Variants in SFI1 observed in about 807,000 individuals in gnomAD.
The protein encoded by SFI1 is SFI1 centrin binding protein, also known as protein SFI1 homolog.
In SFI1, 195 loss-of-function variants were observed where a neutral mutation model predicts 207.5. The observed-to-expected ratio is 0.94, with a 90% CI of 0.84 to 1.06. The LOEUF is 1.06. Among genes scored for constraint, SFI1 ranks in the 50% least tolerant of loss-of-function variants. The pLI is 0.00. For synonymous variants in SFI1, 630 were observed against 598.9 expected (o/e 1.05, Z -0.76); for missense variants, 1,634 against 1,588.0 (o/e 1.03, Z -0.49).
rs2059651343 is a variant in SFI1, at chr22:31,542,491, G to T, written c.339-4370G>T. ...AAAAATACAAAAATTAGCTGGGCAT[G>T]GTGGTGTATGTCTGTAATCCCAGCT... On this transcript the variant is annotated intron_variant, in intron 4 of 32. Transcript: ENST00000400288. 2.0e-5 allele frequency among the ~76,000 whole-genome samples: 3 copies of T among 151,992 alleles called. No homozygotes were observed. In the East Asian group the frequency reaches 5.9e-4, roughly 30 times the overall value.
At position 31,546,930 on chromosome 22, in the gene SFI1, G is replaced by A; in HGVS notation, c.408G>A (p.Gln136=). 6.2e-7 allele frequency: 1 copy of A among 1,612,286 alleles called. No individual in the cohort carries two copies. Among genetic ancestry groups the A allele is most frequent in the Non-Finnish European group, 8.5e-7 (1 of 1,179,248 alleles). ...EEWKEEWWVF[Q]HEWKLCVRAD... is the part of the protein sequence containing the mutation. Reference sequence around the variant, plus strand: ...GGAAAGAGGAGTGGTGGGTTTTCCAGCACGAGTGGAAACTCTGTGTTCGAG... The same window carrying A: ...GGAAAGAGGAGTGGTGGGTTTTCCAACACGAGTGGAAACTCTGTGTTCGAG... The change falls in exon 5 of 33, where the codon CAG becomes CAA. Residue 136 remains glutamine, a synonymous_variant. Transcript: ENST00000400288.
chr22:31,572,940 T>A (rs2063103713), intron 8 of SFI1, 118 bp from the exon 9 acceptor site: 3 of 1,041,504 alleles, frequency 2.9e-6, no homozygotes, highest in Admixed American at 4.4e-5. Context: ...GATTGCCACT[T>A]CCTTGTTTCT....
chr22:31,541,470 T>C (rs895509883), intron 4 of SFI1, among the ~76,000 whole-genome samples: 1 of 152,108 alleles, frequency 6.6e-6, no homozygotes, highest in African/African-American at 2.4e-5. Flanking sequence ...TTTTTTAGAA[T>C]TGTAGGCCAG....
At chr22:31,598,135 A>G (rs1370318389) in intron 15 of SFI1, among the ~76,000 whole-genome samples, 2 of 148,770 alleles carry the variant, frequency 1.3e-5, no homozygotes, top group African/African-American at 4.9e-5. Flanking sequence ...CCACCACCAC[A>G]CCCGGCTAAT....
At chr22:31,506,840 C>T (rs1232872763) in intron 1 of SFI1, among the ~76,000 whole-genome samples, 1 of 152,116 alleles carries the variant, frequency 6.6e-6, no homozygotes, top group African/African-American at 2.4e-5. Flanking sequence ...CTACAAACCA[C>T]TGCTCAAAGA....
At chr22:31,598,444 G>T (rs1334191065) in intron 15 of SFI1, among the ~76,000 whole-genome samples, 1 of 151,842 alleles carries the variant, frequency 6.6e-6, no homozygotes, top group Non-Finnish European at 1.5e-5. Context: ...AGTTTTGCAT[G>T]GTTTTTTTCT....
chr22:31,578,269 A>G lies in SFI1; in HGVS notation c.1085-113A>G. ...AGTAGACAGAGGTGGACCTCAGCCCACCTGGCACGTGTGTTATCCCCGATA... is the reference window on the plus strand; with the variant it reads ...AGTAGACAGAGGTGGACCTCAGCCCGCCTGGCACGTGTGTTATCCCCGATA... On this transcript the variant is annotated intron_variant, in intron 10 of 32. Coordinates refer to ENST00000400288, the MANE Select transcript of SFI1 (RefSeq NM_001007467.3). The G allele has an allele frequency of 7.1e-6, 7 of 986,812 alleles. No individual in the cohort carries two copies. In the South Asian group the frequency reaches 1.7e-4, roughly 23 times the overall value. 61.1% of individuals were successfully genotyped at this position (986,812 alleles called of 1,614,324 possible).
At position 31,618,391 on chromosome 22, in the gene SFI1, CCAGGCCCTGCGG is replaced by C. The variant is rs773540489; in HGVS notation, c.3712_3723del (p.Arg1238_Leu1241del). 1.1e-5 allele frequency: 17 copies of C among 1,599,970 alleles called. No individual in the cohort carries two copies. Among genetic ancestry groups the C allele is most frequent in the South Asian group, 3.3e-5 (3 of 90,084 alleles). On this transcript the variant is annotated inframe_deletion, in exon 33 of 33. Transcript: ENST00000400288. ...CCATTGGCGCCTGCGTTGCCCGCAT[CCAGGCCCTGCGG>C]CAGGCCCTGTGCTAGCGTGTTCGCA... is the stretch of plus-strand genomic sequence containing the variant.
chr22:31,578,502 T>TATCC (rs1276744245), intron 11 of SFI1, 50 bp downstream of exon 11: 1 of 1,575,380 alleles, frequency 6.3e-7, no homozygotes, highest in Admixed American at 1.7e-5. Flanking sequence ...CTTGCTTGGG[T>TATCC]ATCCACTCTT....
At chr22:31,603,162 A>G (rs1182162032) in intron 17 of SFI1, among the ~76,000 whole-genome samples, 1 of 152,184 alleles carries the variant, frequency 6.6e-6, no homozygotes, top group Non-Finnish European at 1.5e-5. Context: ...GAACCCGGGA[A>G]GTGAAGGTTG....
chr22:31,606,074 C>T lies in SFI1; in HGVS notation c.2055-254C>T, dbSNP rs2073281. 15,032 of 468,184 alleles carry T rather than the reference C, an allele frequency of 0.032. 2,256 individuals are homozygous for T. The East Asian group carries it at 0.38, about 12-fold the overall frequency. The allele number at this position is 468,184 out of a possible 1,614,324, so 29.0% of individuals were successfully genotyped here. On this transcript the variant is annotated intron_variant, in intron 20 of 32. Coordinates refer to ENST00000400288, the MANE Select transcript of SFI1 (RefSeq NM_001007467.3). ...CTGCCTGGTTATGCCCTGTTATCCC[C>T]GTAGCACCTGGAGTTTGGTCTCCAG...
chr22:31,615,641 A>G (rs2071301110), intron 29 of SFI1: 1 of 202,272 alleles, frequency 4.9e-6, no homozygotes, highest in Non-Finnish European at 9.8e-6. Context: ...AGGGAGCACC[A>G]TGTCAGGTTT....
At position 31,508,355 on chromosome 22, in the gene SFI1, T is replaced by C. The variant is rs763039200; in HGVS notation, c.71T>C (p.Met24Thr). 1 of 1,612,634 alleles carries C rather than the reference T, an allele frequency of 6.2e-7. No individual in the cohort carries two copies. The highest frequency in any genetic ancestry group is 1.1e-5 in the South Asian group (1 of 90,964). Residue 24 changes from methionine (M) to threonine (T), a missense_variant, in exon 2 of 33, where the codon ATG becomes ACG. Physicochemically the swap from Met to Thr is moderately conservative, Grantham distance 81. Transcript: ENST00000400288. ...NFHQKVIKQR[M>T]EKKVDSRYFK... Reference sequence around the variant, plus strand: ...CATCAAAAAGTGATTAAGCAGAGAATGGAGAAGAAGGTTGATTCCAGGTGA... The same window carrying C: ...CATCAAAAAGTGATTAAGCAGAGAACGGAGAAGAAGGTTGATTCCAGGTGA...
chr22:31,571,209 G>C (rs906332255), intron 8 of SFI1, among the ~76,000 whole-genome samples: 1 of 152,302 alleles, frequency 6.6e-6, no homozygotes, highest in South Asian at 2.1e-4. Context: ...TGTGATGGCA[G>C]TCTTTCCCCA....
At chr22:31,538,582 G>A (rs1225192336) in intron 4 of SFI1, 2 of 153,388 alleles carry the variant, frequency 1.3e-5, no homozygotes, top group Admixed American at 6.5e-5. Context: ...TTCAAATGAT[G>A]AATTTCTCCT....
intron 14 of SFI1, among the ~76,000 whole-genome samples, chr22:31,586,511 A>G (rs1432588037): frequency 6.6e-6 from 1 of 152,270 alleles, no homozygotes; most frequent in African/African-American, 2.4e-5. Flanking sequence ...TGGATGCTAC[A>G]GGGCATGGCC....
chr22:31,611,187 AG>A lies in SFI1; in HGVS notation c.2301del (p.Arg767SerfsTer134). ...WFQRWWDCSR[R>X]SAQQRLQLER... ...TCAGCGCTGGTGGGACTGCAGCCGG[AG>A]GTCAGCCCAGCAGAGACTGCAGCTG... On this transcript the variant is annotated frameshift_variant, in exon 23 of 33. Transcript: ENST00000400288. LOFTEE classifies it high-confidence loss of function. The A allele has an allele frequency of 6.2e-7, 1 of 1,614,094 alleles. No individual in the cohort carries two copies.
At chr22:31,612,945 AAGGTCATTCCTCAGGCCACAGATGG>A (rs1303226950) in intron 24 of SFI1, 172 bp from the exon 25 acceptor site, 4 of 582,060 alleles carry the variant, frequency 6.9e-6, no homozygotes, top group Non-Finnish European at 1.2e-5. Context: ...TTCTTTCATG[AAGGTCATTCCTCAGGCCACAGATGG>A]AGCGTGTGTT....
chr22:31,522,613 A>G lies in SFI1; in HGVS notation c.93-6077A>G, dbSNP rs531905074. Among the ~76,000 whole-genome samples the G allele has an allele frequency of 5.9e-5, 9 of 152,146 alleles. No homozygotes were observed. The East Asian group carries it at 1.7e-3, about 29-fold the overall frequency. On this transcript the variant is annotated intron_variant, in intron 2 of 32. Coordinates refer to ENST00000400288, the MANE Select transcript of SFI1 (RefSeq NM_001007467.3). ...ACATTTTTCCATTTGTGTCTGGCTT[A>G]TTTCAGTTAGCATAGTGTTTTCAAG...
Sources: allele counts gnomAD v4.1 joint callset (sites outside exome capture counted in the v4.1 genomes callset), GRCh38; gene constraint gnomAD v4.1.1; transcripts MANE v1.5; gene names NCBI Gene and HGNC (gene_info 2026-07-23, HGNC 2026-07-21).